The following CGGBP1 variants were observed in gnomAD, a reference collection of about 807,000 sequenced individuals.
CGGBP1 encodes CGG triplet repeat binding protein 1.
CGGBP1 carries 4 observed loss-of-function variants against 11.4 expected under a neutral mutation model. The ratio of observed to expected loss-of-function variants is 0.35; its 90% CI spans 0.17 to 0.80. CGGBP1 has a LOEUF of 0.80. Among genes scored for constraint, CGGBP1 ranks in the 30% least tolerant of loss-of-function variants. The pLI, the probability that CGGBP1 is intolerant of heterozygous loss-of-function variation, is 0.52. For synonymous variants in CGGBP1, 76 were observed against 74.1 expected (o/e 1.03, Z -0.13); for missense variants, 135 against 202.1 (o/e 0.67, Z 2.01).
At chr3:88,099,302 C>A (rs964352040) in intron 2 of CGGBP1, among the ~76,000 whole-genome samples, 2 of 152,180 alleles carry the variant, frequency 1.3e-5, no homozygotes, top group African/African-American at 4.8e-5. Context: ...TCAAGGAGAA[C>A]TGCAAATCAC....
chr3:88,141,730 C>T (rs1408804004), intron 1 of CGGBP1: 3 of 1,171,626 alleles, frequency 2.6e-6, no homozygotes, highest in Non-Finnish European at 3.5e-6. Context: ...CATCAGTTTG[C>T]TATTTCCCTG....
At chr3:88,085,361 A>C (rs1708286389) in intron 2 of CGGBP1, among the ~76,000 whole-genome samples, 1 of 152,228 alleles carries the variant, frequency 6.6e-6, no homozygotes, top group Admixed American at 6.5e-5. Flanking sequence ...GTTGTGTTCC[A>C]ATAAAACCTT....
Position 88,074,636 on chromosome 3 carries a change from C to T in CGGBP1, c.-228-16413G>A, listed in dbSNP as rs186449400. ...GATTATAAGCGTGAGCCACTGCGCC[C>T]GGCCTGTGTCTTACTTTCTTAAGAG... is the stretch of plus-strand genomic sequence containing the variant. On this transcript the variant is annotated intron_variant, in intron 2 of 3. Transcript: ENST00000462901. Among the ~76,000 whole-genome samples the T allele has an allele frequency of 1.5e-3, 232 of 152,226 alleles. 1 individual carries two copies. Among genetic ancestry groups the T allele is most frequent in the Admixed American group, 2.9e-3 (44 of 15,294 alleles).
intron 2 of CGGBP1, chr3:88,140,888 A>G (rs1034428700): frequency 6.2e-7 from 1 of 1,613,514 alleles, no homozygotes; most frequent in African/African-American, 1.3e-5. Flanking sequence ...TGACTGATAG[A>G]GTAGATGCCT....
chr3:88,122,412 C>T (rs1184842395), intron 2 of CGGBP1, among the ~76,000 whole-genome samples: 2 of 152,104 alleles, frequency 1.3e-5, no homozygotes, highest in African/African-American at 2.4e-5. Context: ...TGTAGAATGG[C>T]CAGAACACTG....
chr3:88,078,183 TC>T (rs1707914129), intron 2 of CGGBP1, among the ~76,000 whole-genome samples: 1 of 152,252 alleles, frequency 6.6e-6, no homozygotes, highest in Non-Finnish European at 1.5e-5. Flanking sequence ...TGGAATTAAT[TC>T]CTATAACATT....
intron 2 of CGGBP1, chr3:88,095,457 G>T (rs779109831): frequency 5.4e-6 from 2 of 372,764 alleles, no homozygotes; most frequent in Non-Finnish European, 1.0e-5. Flanking sequence ...CTCAAGGTAC[G>T]CATGCAACAT....
intron 2 of CGGBP1, among the ~76,000 whole-genome samples, chr3:88,108,490 GGT>G (rs1704883451): frequency 6.6e-6 from 1 of 152,090 alleles, no homozygotes; most frequent in Non-Finnish European, 1.5e-5. Context: ...AGTCAACCAT[GGT>G]CCAAAAATGT....
chr3:88,120,580 T>C (rs540187122), intron 2 of CGGBP1, among the ~76,000 whole-genome samples: 20 of 152,256 alleles, frequency 1.3e-4, no homozygotes, highest in African/African-American at 4.6e-4. Flanking sequence ...ACATGAGTTT[T>C]ACATTCAGCC....
chr3:88,079,695 A>G (rs1286450472), intron 2 of CGGBP1, among the ~76,000 whole-genome samples: 1 of 151,986 alleles, frequency 6.6e-6, no homozygotes, highest in East Asian at 1.9e-4. Context: ...TAACAGTATG[A>G]TTGTATGGAA....
intron 1 of CGGBP1, chr3:88,141,680 T>C: frequency 6.7e-7 from 1 of 1,494,296 alleles, no homozygotes; most frequent in African/African-American, 1.4e-5. Context: ...GATCTGTCAA[T>C]CAAGCAGTAG....
chr3:88,058,187 C>T lies in CGGBP1; in HGVS notation c.-294G>A, dbSNP rs1706616331. ...GGGGAAATAGTTTCTGGGCTTGCAC[C>T]CGATTTTCCCTGTGGTGCCAGGAAG... On this transcript the variant is annotated 5_prime_UTR_variant, in exon 2 of 4. Transcript: ENST00000482016. The T allele has an allele frequency of 6.6e-6, 1 of 152,182 alleles. No homozygotes were observed. Among genetic ancestry groups the T allele is most frequent in the African/African-American group, 2.4e-5 (1 of 41,420 alleles). The allele number at this position is 152,182 out of a possible 1,614,324, so 9.4% of individuals were successfully genotyped here. A position where few individuals can be genotyped will look rare whatever the true frequency, so the allele number is the denominator to read the frequency against.
chr3:88,138,061 G>C (rs546169291), intron 2 of CGGBP1, among the ~76,000 whole-genome samples: 3 of 152,090 alleles, frequency 2.0e-5, no homozygotes, highest in Non-Finnish European at 4.4e-5. Context: ...ATCAGTGAAT[G>C]TTTCAAAGCT....
At chr3:88,148,219 G>A (rs972633421) in intron 1 of CGGBP1, among the ~76,000 whole-genome samples, 20 of 152,016 alleles carry the variant, frequency 1.3e-4, no homozygotes, top group African/African-American at 4.8e-4. Context: ...GCATCTCCTG[G>A]CCGACTATAT....
At chr3:88,091,084 C>T (rs1205456619) in intron 2 of CGGBP1, among the ~76,000 whole-genome samples, 1 of 152,108 alleles carries the variant, frequency 6.6e-6, no homozygotes, top group Admixed American at 6.5e-5. Flanking sequence ...GTTTGTAGCC[C>T]AGGTGTGTAG....
chr3:88,147,184 T>C (rs1251591113), intron 1 of CGGBP1, among the ~76,000 whole-genome samples: 2 of 152,134 alleles, frequency 1.3e-5, no homozygotes, highest in Non-Finnish European at 2.9e-5. Flanking sequence ...CATATTCTAC[T>C]GGGGGACAAC....
At chr3:88,079,644 C>G (rs1347402805) in intron 2 of CGGBP1, among the ~76,000 whole-genome samples, 1 of 151,888 alleles carries the variant, frequency 6.6e-6, no homozygotes, top group African/African-American at 2.4e-5. Flanking sequence ...TATTTTTGCT[C>G]TGGTTGGTAG....
chr3:88,139,750 C>G, intron 2 of CGGBP1: 1 of 1,554,740 alleles, frequency 6.4e-7, no homozygotes, highest in South Asian at 1.2e-5. Flanking sequence ...AAGCCTTTAA[C>G]TGAATGTGGG....
intron 2 of CGGBP1, among the ~76,000 whole-genome samples, chr3:88,107,447 A>G (rs946910111): frequency 9.2e-5 from 14 of 152,034 alleles, no homozygotes; most frequent in Non-Finnish European, 1.8e-4. Flanking sequence ...TTGGTATTTT[A>G]TAGTTTATTA....
Sources: allele counts gnomAD v4.1 joint callset (sites outside exome capture counted in the v4.1 genomes callset), GRCh38; gene constraint gnomAD v4.1.1; transcripts MANE v1.5; gene names NCBI Gene and HGNC (gene_info 2026-07-23, HGNC 2026-07-21).